POLDIP3: variants seen among roughly 807,000 people sequenced by gnomAD.
POLDIP3 encodes the protein polymerase delta-interacting protein 3.
Under a neutral mutation model 45.1 loss-of-function variants are expected in POLDIP3, and 14 were observed. The ratio of observed to expected loss-of-function variants is 0.31; its 90% CI spans 0.20 to 0.49. The LOEUF is 0.49. Ranked by LOEUF, POLDIP3 falls within the 20% of genes least tolerant of loss-of-function variation. The pLI, the probability that POLDIP3 is intolerant of heterozygous loss-of-function variation, is 0.99. For missense variants in POLDIP3, 511 were observed against 538.8 expected (o/e 0.95, Z 0.51); for synonymous variants, 223 against 205.2 (o/e 1.09, Z -0.74).
intron 2 of POLDIP3, 92 bp downstream of exon 2, chr22:42,602,678 A>C: frequency 7.2e-7 from 1 of 1,384,844 alleles, no homozygotes; most frequent in South Asian, 1.4e-5. Context: ...TTGAGAGGAT[A>C]GTATTTTTGC....
rs1569293267 is a variant in POLDIP3, at chr22:42,585,288, C to CA, written c.*502dup. On this transcript the variant is annotated 3_prime_UTR_variant, in exon 9 of 9. Transcript: ENST00000252115. ...CACCCAGGCACCTCCACTGACAAGACAGAGGAGCGGCACAGCTCTCAGGCC... is the reference window on the plus strand; with the variant it reads ...CACCCAGGCACCTCCACTGACAAGACAAGAGGAGCGGCACAGCTCTCAGGCC... The CA allele has an allele frequency of 1.9e-6, 1 of 514,046 alleles. No homozygotes were observed. Among genetic ancestry groups the CA allele is most frequent in the East Asian group, 5.5e-5 (1 of 18,208 alleles). The allele number at this position is 514,046 out of a possible 1,614,324, so 31.8% of individuals were successfully genotyped here.
At chr22:42,600,902 G>A (rs1026224434) in intron 3 of POLDIP3, among the ~76,000 whole-genome samples, 1 of 151,986 alleles carries the variant, frequency 6.6e-6, no homozygotes, top group Non-Finnish European at 1.5e-5. Context: ...CCAGGAGTTC[G>A]AGACCAGCCT....
At chr22:42,613,463 T>C (rs1312211607) in intron 1 of POLDIP3, among the ~76,000 whole-genome samples, 1 of 152,108 alleles carries the variant, frequency 6.6e-6, no homozygotes, top group Non-Finnish European at 1.5e-5. Context: ...GTGGTATTAA[T>C]AAACATCTGC....
At chr22:42,604,515 T>C (rs1433197752) in intron 1 of POLDIP3, among the ~76,000 whole-genome samples, 1 of 152,188 alleles carries the variant, frequency 6.6e-6, no homozygotes, top group South Asian at 2.1e-4. Flanking sequence ...TCTGACCTGC[T>C]GTTAGAGGGT....
intron 1 of POLDIP3, among the ~76,000 whole-genome samples, chr22:42,609,991 G>A (rs1927022279): frequency 6.6e-6 from 1 of 152,098 alleles, no homozygotes; most frequent in South Asian, 2.1e-4. Context: ...TGGCCAACAT[G>A]GTGAAACCCT....
intron 1 of POLDIP3, among the ~76,000 whole-genome samples, chr22:42,605,661 G>A (rs1469980480): frequency 6.6e-6 from 1 of 152,128 alleles, no homozygotes; most frequent in East Asian, 1.9e-4. Context: ...CTGGGAGATG[G>A]AGGCACTAGA....
chr22:42,612,032 G>A (rs1281619947), intron 1 of POLDIP3, among the ~76,000 whole-genome samples: 1 of 152,176 alleles, frequency 6.6e-6, no homozygotes, highest in African/African-American at 2.4e-5. Context: ...GGAGTTTCCA[G>A]AAGATTTAAC....
chr22:42,585,722 A>G lies in POLDIP3; in HGVS notation c.*69T>C. ...TCTCCAGTCCGATGGCCCATTGGTCATAAGCTTTGCCTTGGGGAAACAGAG... is the reference window on the plus strand; with the variant it reads ...TCTCCAGTCCGATGGCCCATTGGTCGTAAGCTTTGCCTTGGGGAAACAGAG... On this transcript the variant is annotated 3_prime_UTR_variant, in exon 9 of 9. Transcript: ENST00000252115. The G allele has an allele frequency of 1.3e-6, 2 of 1,532,234 alleles. No individual in the cohort carries two copies. Among genetic ancestry groups the G allele is most frequent in the Non-Finnish European group, 1.8e-6 (2 of 1,131,384 alleles). The allele number at this position is 1,532,234 out of a possible 1,614,324, so 94.9% of individuals were successfully genotyped here.
chr22:42,610,538 T>C (rs1927056822), intron 1 of POLDIP3, among the ~76,000 whole-genome samples: 1 of 152,194 alleles, frequency 6.6e-6, no homozygotes. Context: ...AGCTATCCGC[T>C]GAGGGTTAAA....
intron 1 of POLDIP3, among the ~76,000 whole-genome samples, chr22:42,611,149 A>G (rs963994994): frequency 6.6e-6 from 1 of 152,218 alleles, no homozygotes; most frequent in African/African-American, 2.4e-5. Context: ...AGGTAATAAT[A>G]ATGGTAATGA....
At chr22:42,586,431 G>A (rs1005651862) in intron 8 of POLDIP3, among the ~76,000 whole-genome samples, 6 of 151,978 alleles carry the variant, frequency 3.9e-5, no homozygotes, top group African/African-American at 1.5e-4. Context: ...AGGCTCAAGC[G>A]ATCCTCCCAC....
At chr22:42,596,992 G>A (rs2146813738) in intron 4 of POLDIP3, among the ~76,000 whole-genome samples, 1 of 152,196 alleles carries the variant, frequency 6.6e-6, no homozygotes, top group African/African-American at 2.4e-5. Context: ...TCCCAGATAT[G>A]CTTCTATCAC....
chr22:42,593,282 G>A (rs1475949845), intron 6 of POLDIP3, among the ~76,000 whole-genome samples: 1 of 152,182 alleles, frequency 6.6e-6, no homozygotes, highest in Admixed American at 6.5e-5. Context: ...GACAGATATG[G>A]AGGGCCAACT....
chr22:42,588,026 A>G (rs1006602183), intron 7 of POLDIP3, among the ~76,000 whole-genome samples: 4 of 152,374 alleles, frequency 2.6e-5, no homozygotes, highest in African/African-American at 9.6e-5. Context: ...ATAGCACAAA[A>G]AAGAGGAAGA....
rs762062954 is a variant in POLDIP3 at position 42,585,911 on chromosome 22, G to A, written c.1146C>T (p.Asn382=). ...KKESELPRRV[N]SASSSNPPAE... is the part of the protein sequence containing the mutation. ...CAGGGGGGTTGGAGGAGGAGGCAGA[G>A]TTCACCCTGCGAGGCAGCTCGCTCT... The change falls in exon 9 of 9, where the codon AAC becomes AAT. Residue 382 remains asparagine (N), a synonymous_variant. Coordinates refer to ENST00000252115, the MANE Select transcript of POLDIP3 (RefSeq NM_032311.5). 1.2e-5 allele frequency: 20 copies of A among 1,613,430 alleles called. No individual in the cohort carries two copies. The South Asian group carries it at 2.2e-4, about 18-fold the overall frequency.
chr22:42,605,274 C>T (rs1926651946), intron 1 of POLDIP3, among the ~76,000 whole-genome samples: 1 of 152,208 alleles, frequency 6.6e-6, no homozygotes, highest in Admixed American at 6.5e-5. Context: ...ACTACAGGCG[C>T]CCGCCACCAC....
At chr22:42,601,169 G>A (rs1395509321) in intron 3 of POLDIP3, among the ~76,000 whole-genome samples, 2 of 151,990 alleles carry the variant, frequency 1.3e-5, no homozygotes, top group Non-Finnish European at 2.9e-5. Flanking sequence ...ATAGGAACTT[G>A]AGGGACTTTT....
rs1264887617 is a variant in POLDIP3, at chr22:42,593,470, A to G, written c.892-1386T>C. ...AGAGTCTGCCTAAAGTGACTGGCAC[A>G]TAGCAAGTACTCAGTAAATGGCAGT... On this transcript the variant is annotated intron_variant, in intron 6 of 8. Transcript: ENST00000252115. Among the ~76,000 whole-genome samples the G allele has an allele frequency of 2.0e-5, 3 of 152,212 alleles. No homozygotes were observed. The East Asian group carries it at 5.8e-4, about 29-fold the overall frequency.
At chr22:42,587,254 C>A (rs1029850048) in intron 8 of POLDIP3, among the ~76,000 whole-genome samples, 1 of 152,194 alleles carries the variant, frequency 6.6e-6, no homozygotes, top group Non-Finnish European at 1.5e-5. Flanking sequence ...CTCCAACTTC[C>A]ACTCAGATAT....
Sources: allele counts gnomAD v4.1 joint callset (sites outside exome capture counted in the v4.1 genomes callset), GRCh38; gene constraint gnomAD v4.1.1; transcripts MANE v1.5; gene names NCBI Gene and HGNC (gene_info 2026-07-23, HGNC 2026-07-21).